Variants in NRXN3 observed in about 807,000 individuals in gnomAD.
NRXN3 encodes the protein neurexin 3.
NRXN3 carries 32 observed loss-of-function variants against 137.6 expected under a neutral mutation model. That is an observed-to-expected ratio of 0.23 (90% CI 0.18 to 0.31). NRXN3 has a LOEUF of 0.31. NRXN3 is among the 10% of genes least tolerant of loss of function. NRXN3 has a pLI of 1.00. For synonymous variants in NRXN3, 798 were observed against 784.5 expected, an observed-to-expected ratio of 1.02 and a Z score of -0.29; for missense variants, 1,574 against 2,062.5, an observed-to-expected ratio of 0.76 and a Z score of 4.59.
At chr14:79,358,613 G>GAAAGAA (rs1378603575) in intron 15 of NRXN3, among the ~76,000 whole-genome samples, 1 of 129,064 alleles carries the variant, frequency 7.7e-6, no homozygotes, top group African/African-American at 3.1e-5. Flanking sequence ...GAAAGAGAAA[G>GAAAGAA]AAAGAAAGAA....
chr14:78,788,004 C>T (rs2098794176), intron 8 of NRXN3, among the ~76,000 whole-genome samples: 1 of 152,092 alleles, frequency 6.6e-6, no homozygotes. Context: ...AATTATGTTC[C>T]ACTTTACAGT....
chr14:79,132,574 C>G (rs1199479759), intron 15 of NRXN3, among the ~76,000 whole-genome samples: 1 of 152,116 alleles, frequency 6.6e-6, no homozygotes. Flanking sequence ...TATATATTTG[C>G]TTTGCATTAT....
chr14:79,215,230 G>A (rs1042264896), intron 15 of NRXN3, among the ~76,000 whole-genome samples: 16 of 152,072 alleles, frequency 1.1e-4, no homozygotes, highest in African/African-American at 2.7e-4. Flanking sequence ...GCTGTGGATC[G>A]CCACAATATT....
chr14:78,515,291 A>T (rs2096185665), intron 4 of NRXN3, among the ~76,000 whole-genome samples: 1 of 152,150 alleles, frequency 6.6e-6, no homozygotes, highest in Non-Finnish European at 1.5e-5. Context: ...CTGACCTATT[A>T]CAAGAGTGGG....
At chr14:79,410,234 A>G (rs1474897066) in intron 15 of NRXN3, among the ~76,000 whole-genome samples, 2 of 151,848 alleles carry the variant, frequency 1.3e-5, no homozygotes, top group African/African-American at 4.8e-5. Flanking sequence ...CTTGGCCTAG[A>G]TCAACCACAC....
chr14:78,599,411 A>G (rs923539410), intron 4 of NRXN3, among the ~76,000 whole-genome samples: 3 of 152,374 alleles, frequency 2.0e-5, no homozygotes, highest in African/African-American at 7.2e-5. Flanking sequence ...TTCTTGCTTC[A>G]TAATAGAAAT....
chr14:79,438,247 A>G (rs112881702), intron 15 of NRXN3, among the ~76,000 whole-genome samples: 71 of 152,162 alleles, frequency 4.7e-4, no homozygotes, highest in African/African-American at 1.7e-3. Flanking sequence ...CCTCGAATCC[A>G]TGTCTTAGGA....
At chr14:79,557,021 G>T (rs1486527932) in intron 16 of NRXN3, among the ~76,000 whole-genome samples, 2 of 151,734 alleles carry the variant, frequency 1.3e-5, no homozygotes, top group East Asian at 3.9e-4. Context: ...CACACAATTA[G>T]CAAACTTAAC....
intron 8 of NRXN3, among the ~76,000 whole-genome samples, chr14:78,724,927 C>G (rs1046461965): frequency 1.3e-5 from 2 of 152,324 alleles, no homozygotes; most frequent in East Asian, 3.9e-4. Context: ...ATATGAGTGG[C>G]TCTTGAAAGA....
At chr14:79,652,527 C>G (rs1222462963) in intron 16 of NRXN3, among the ~76,000 whole-genome samples, 1 of 152,094 alleles carries the variant, frequency 6.6e-6, no homozygotes, top group Non-Finnish European at 1.5e-5. Flanking sequence ...GAAACTTACT[C>G]ACTTTATACT....
chr14:79,401,562 G>A (rs938668091), intron 15 of NRXN3, among the ~76,000 whole-genome samples: 5 of 152,218 alleles, frequency 3.3e-5, no homozygotes, highest in Admixed American at 1.3e-4. Context: ...GAAGAATAGC[G>A]TCTTCTGCTT....
At chr14:78,487,568 C>T (rs536996148) in intron 4 of NRXN3, among the ~76,000 whole-genome samples, 1 of 151,982 alleles carries the variant, frequency 6.6e-6, no homozygotes, top group South Asian at 2.1e-4. Flanking sequence ...CATGGTGAAA[C>T]CCCGTCTCTA....
intron 16 of NRXN3, among the ~76,000 whole-genome samples, chr14:79,663,481 G>T (rs185439816): frequency 6.6e-6 from 1 of 151,948 alleles, no homozygotes; most frequent in Non-Finnish European, 1.5e-5. Context: ...AATAAACTTT[G>T]CATTGTCATT....
intron 4 of NRXN3, among the ~76,000 whole-genome samples, chr14:78,454,277 A>G (rs910621520): frequency 2.0e-5 from 3 of 150,530 alleles, no homozygotes; most frequent in African/African-American, 7.4e-5. Flanking sequence ...CCTTCACCAT[A>G]CTCTAGCTTC....
intron 14 of NRXN3, among the ~76,000 whole-genome samples, chr14:78,986,927 G>A (rs978507950): frequency 6.7e-6 from 1 of 149,280 alleles, no homozygotes; most frequent in Admixed American, 6.8e-5. Flanking sequence ...GGAGGCTGAG[G>A]CAGGAGAATT....
intron 15 of NRXN3, among the ~76,000 whole-genome samples, chr14:79,355,564 A>T (rs2153402090): frequency 6.6e-6 from 1 of 152,326 alleles, no homozygotes; most frequent in Non-Finnish European, 1.5e-5. Context: ...TCAAAGTGGG[A>T]TGACAGTTGG....
chr14:79,792,185 A>G (rs2099147346), intron 19 of NRXN3, among the ~76,000 whole-genome samples: 1 of 152,156 alleles, frequency 6.6e-6, no homozygotes, highest in African/African-American at 2.4e-5. Context: ...GCACCTCTCA[A>G]AACAGAAAAA....
At chr14:79,215,612 C>T (rs767167511) in intron 15 of NRXN3, among the ~76,000 whole-genome samples, 2 of 152,102 alleles carry the variant, frequency 1.3e-5, no homozygotes, top group Non-Finnish European at 2.9e-5. Context: ...ACCATCAGAT[C>T]TCATGAGACT....
intron 15 of NRXN3, among the ~76,000 whole-genome samples, chr14:79,167,806 G>A (rs949716437): frequency 6.6e-6 from 1 of 151,844 alleles, no homozygotes; most frequent in Admixed American, 6.6e-5. Flanking sequence ...GCTGCCAAAA[G>A]CTCCCTCTTG....
Sources: allele counts gnomAD v4.1 joint callset (sites outside exome capture counted in the v4.1 genomes callset), GRCh38; gene constraint gnomAD v4.1.1; transcripts MANE v1.5; gene names NCBI Gene and HGNC (gene_info 2026-07-23, HGNC 2026-07-21).